RAB39A: variants seen among roughly 807,000 people sequenced by gnomAD.
RAB39A encodes the protein RAB39A, member RAS oncogene family.
In RAB39A, 17 loss-of-function variants were observed where a neutral mutation model predicts 20.9. That is an observed-to-expected ratio of 0.81 (90% CI 0.56 to 1.22). The LOEUF (loss-of-function observed/expected upper bound fraction) is 1.22, where lower values mean the gene tolerates loss of function less well. Ranked by LOEUF, RAB39A falls within the 50% of genes most tolerant of loss-of-function variation. The pLI, the probability that RAB39A is intolerant of heterozygous loss-of-function variation, is 0.00. For synonymous variants in RAB39A, 99 were observed against 103.4 expected (o/e 0.96, Z 0.26); for missense variants, 234 against 270.5 (o/e 0.87, Z 0.95).
rs11500991 is a variant in RAB39A, at chr11:107,946,347, T to C, written c.228-15599T>C. Among the ~76,000 whole-genome samples the C allele has an allele frequency of 5.3e-3, 706 of 134,466 alleles. 13 individuals are homozygous for C. Among genetic ancestry groups the C allele is most frequent in the African/African-American group, 0.019 (657 of 35,088 alleles). 88.2% of individuals were successfully genotyped at this position (134,466 alleles called of 152,430 possible). A position where few individuals can be genotyped will look rare whatever the true frequency, so the allele number is the denominator to read the frequency against. Reference sequence around the variant, plus strand: ...ATATACACACACACACACACACATATATATACACACACACATATATATACA... The same window carrying C: ...ATATACACACACACACACACACATACATATACACACACACATATATATACA... On this transcript the variant is annotated intron_variant, in intron 1 of 1. Transcript: ENST00000320578.
chr11:107,932,114 C>T (rs1373888692), intron 1 of RAB39A, among the ~76,000 whole-genome samples: 1 of 152,060 alleles, frequency 6.6e-6, no homozygotes, highest in Non-Finnish European at 1.5e-5. Flanking sequence ...CCACCCACCT[C>T]GGCCTCCCAA....
chr11:107,939,422 C>T (rs1266012854), intron 1 of RAB39A, among the ~76,000 whole-genome samples: 1 of 146,904 alleles, frequency 6.8e-6, no homozygotes, highest in East Asian at 2.0e-4. Context: ...CTGGCTAACA[C>T]AGTGAAACCC....
chr11:107,957,922 GTC>G (rs1861454225), intron 1 of RAB39A, among the ~76,000 whole-genome samples: 1 of 150,124 alleles, frequency 6.7e-6, no homozygotes, highest in African/African-American at 2.5e-5. Context: ...TTGAGACAGA[GTC>G]TCTGTCGCCC....
chr11:107,957,946 C>T (rs1170749940), intron 1 of RAB39A, among the ~76,000 whole-genome samples: 2 of 151,524 alleles, frequency 1.3e-5, no homozygotes, highest in East Asian at 1.9e-4. Flanking sequence ...GGCTGGAGTG[C>T]AATGGTGTGA....
intron 1 of RAB39A, among the ~76,000 whole-genome samples, chr11:107,956,501 C>G (rs1861438405): frequency 6.6e-6 from 1 of 152,138 alleles, no homozygotes; most frequent in Admixed American, 6.5e-5. Context: ...CATACTCTAG[C>G]CAAACAGAGC....
At chr11:107,956,446 G>A (rs1227373270) in intron 1 of RAB39A, among the ~76,000 whole-genome samples, 2 of 152,186 alleles carry the variant, frequency 1.3e-5, no homozygotes, top group African/African-American at 4.8e-5. Context: ...CTATACAAGA[G>A]TACTGACCTT....
chr11:107,932,318 G>A (rs930884327), intron 1 of RAB39A, among the ~76,000 whole-genome samples: 1 of 152,318 alleles, frequency 6.6e-6, no homozygotes, highest in East Asian at 1.9e-4. Flanking sequence ...TAGAATTACA[G>A]TGCCTTCATT....
chr11:107,955,613 C>A (rs1302790385), intron 1 of RAB39A, among the ~76,000 whole-genome samples: 1 of 152,126 alleles, frequency 6.6e-6, no homozygotes, highest in African/African-American at 2.4e-5. Flanking sequence ...CCGAGGCAGG[C>A]GGATCACCTG....
chr11:107,934,929 CAAA>C (rs55682157), intron 1 of RAB39A, among the ~76,000 whole-genome samples: 11 of 101,638 alleles, frequency 1.1e-4, no homozygotes, highest in African/African-American at 2.7e-4. Context: ...GACTTCGTCT[CAAA>C]AAAAAAAAAA....
intron 1 of RAB39A, among the ~76,000 whole-genome samples, chr11:107,935,268 A>T (rs1001793405): frequency 6.6e-6 from 1 of 152,210 alleles, no homozygotes; most frequent in Non-Finnish European, 1.5e-5. Context: ...GACGTACCTG[A>T]AAGTAGCAGG....
rs900390145 is a variant in RAB39A, at chr11:107,962,985, A to G, written c.*613A>G. 2.0e-5 allele frequency: 3 copies of G among 152,164 alleles called. No individual in the cohort carries two copies. Among genetic ancestry groups the G allele is most frequent in the African/African-American group, 4.8e-5 (2 of 41,442 alleles). The allele number at this position is 152,164 out of a possible 1,614,324, so 9.4% of individuals were successfully genotyped here. A position where few individuals can be genotyped will look rare whatever the true frequency, so the allele number is the denominator to read the frequency against. Reference sequence around the variant, plus strand: ...TAAAAATGCATTATGTTTTACAAAGATATCTAAGGATCCAAGCAAACTACT... The same window carrying G: ...TAAAAATGCATTATGTTTTACAAAGGTATCTAAGGATCCAAGCAAACTACT... On this transcript the variant is annotated 3_prime_UTR_variant, in exon 2 of 2. Coordinates refer to ENST00000320578, the MANE Select transcript of RAB39A (RefSeq NM_017516.3).
chr11:107,942,095 T>C (rs140650833), intron 1 of RAB39A, among the ~76,000 whole-genome samples: 2,507 of 38,048 alleles, frequency 0.066, 98 homozygotes, highest in African/African-American at 0.2. Flanking sequence ...AGAGATTCCA[T>C]CTCAAAAAAA....
intron 1 of RAB39A, among the ~76,000 whole-genome samples, chr11:107,941,501 A>C (rs1306324232): frequency 1.3e-5 from 2 of 152,188 alleles, no homozygotes; most frequent in Non-Finnish European, 2.9e-5. Context: ...TATTTTAGGT[A>C]AAGATCTAAT....
At chr11:107,937,303 TA>T (rs879413776) in intron 1 of RAB39A, among the ~76,000 whole-genome samples, 457 of 143,612 alleles carry the variant, frequency 3.2e-3, no homozygotes, top group African/African-American at 3.1e-3. Flanking sequence ...CCCAGCTAAT[TA>T]AAAAAAAAAA....
intron 1 of RAB39A, among the ~76,000 whole-genome samples, chr11:107,946,394 ATATGTGTGTGTGTGTG>A (rs1316749477): frequency 1.2e-3 from 46 of 38,424 alleles, no homozygotes; most frequent in African/African-American, 4.1e-3. Flanking sequence ...GTGGGTGTAT[ATATGTGTGTGTGTGTG>A]TGTGTGTGTG....
At position 107,962,207 on chromosome 11, in the gene RAB39A, T is replaced by C; in HGVS notation, c.489T>C (p.Asn163=). 1.2e-6 allele frequency: 2 copies of C among 1,614,052 alleles called. No homozygotes were observed. Among genetic ancestry groups the C allele is most frequent in the Non-Finnish European group, 1.7e-6 (2 of 1,179,956 alleles). Residue 163 remains asparagine (N), a synonymous_variant, in exon 2 of 2, where the codon AAT becomes AAC. Transcript: ENST00000320578. ...YIETSAKDAT[N]VEESFTILTR... ...AAACCTCAGCAAAGGATGCTACAAA[T>C]GTTGAAGAATCCTTCACAATCTTGA...
At chr11:107,959,151 G>A (rs1861469763) in intron 1 of RAB39A, among the ~76,000 whole-genome samples, 1 of 151,846 alleles carries the variant, frequency 6.6e-6, no homozygotes, top group Non-Finnish European at 1.5e-5. Flanking sequence ...AGAAAACATA[G>A]TATTTCCTAC....
chr11:107,947,878 C>G (rs1861335232), intron 1 of RAB39A, among the ~76,000 whole-genome samples: 1 of 143,786 alleles, frequency 7.0e-6, no homozygotes. Flanking sequence ...TATCACTCAA[C>G]TGTGAGAGCA....
At chr11:107,939,067 C>T (rs1861231033) in intron 1 of RAB39A, among the ~76,000 whole-genome samples, 2 of 151,318 alleles carry the variant, frequency 1.3e-5, no homozygotes, top group African/African-American at 4.9e-5. Flanking sequence ...GCTGGTGAAA[C>T]CCCGTCCCTA....
Sources: allele counts gnomAD v4.1 joint callset (sites outside exome capture counted in the v4.1 genomes callset), GRCh38; gene constraint gnomAD v4.1.1; transcripts MANE v1.5; gene names NCBI Gene and HGNC (gene_info 2026-07-23, HGNC 2026-07-21).